SPAG9: variants seen among roughly 807,000 people sequenced by gnomAD.
SPAG9 encodes the protein sperm associated antigen 9, also known as C-Jun-amino-terminal kinase-interacting protein 4.
SPAG9 carries 35 observed loss-of-function variants against 166.5 expected under a neutral mutation model. That is an observed-to-expected ratio of 0.21 (90% CI 0.16 to 0.28). The LOEUF (loss-of-function observed/expected upper bound fraction) is 0.28. Among genes scored for constraint, SPAG9 ranks in the 10% least tolerant of loss-of-function variants. SPAG9 has a pLI of 1.00. For synonymous variants in SPAG9, 534 were observed against 565.5 expected, an observed-to-expected ratio of 0.94 and a Z score of 0.79; for missense variants, 1,235 against 1,603.3, an observed-to-expected ratio of 0.77 and a Z score of 3.92.
chr17:51,115,556 C>T (rs1182045532), intron 1 of SPAG9, among the ~76,000 whole-genome samples: 5 of 151,948 alleles, frequency 3.3e-5, no homozygotes, highest in East Asian at 1.9e-4. Context: ...AGGAGCCAGG[C>T]GCGGTGGTTC....
intron 4 of SPAG9, among the ~76,000 whole-genome samples, chr17:51,042,355 G>C (rs879697121): frequency 6.6e-6 from 1 of 152,126 alleles, no homozygotes; most frequent in Admixed American, 6.5e-5. Context: ...ATGAACAAGA[G>C]TTACAATTTT....
intron 1 of SPAG9, among the ~76,000 whole-genome samples, chr17:51,118,097 T>A (rs1598213520): frequency 1.3e-5 from 2 of 149,370 alleles, no homozygotes; most frequent in Admixed American, 1.3e-4. Flanking sequence ...ATCGTGCCAC[T>A]GCACTCCAGC....
At chr17:51,058,513 AC>A (rs1273699562) in intron 2 of SPAG9, among the ~76,000 whole-genome samples, 1 of 152,194 alleles carries the variant, frequency 6.6e-6, no homozygotes, top group African/African-American at 2.4e-5. Context: ...ACCATGCTAT[AC>A]TGCTTCTCAG....
At chr17:51,021,950 C>T (rs1489463068) in intron 6 of SPAG9, among the ~76,000 whole-genome samples, 7 of 151,878 alleles carry the variant, frequency 4.6e-5, no homozygotes, top group African/African-American at 1.7e-4. Flanking sequence ...TGGTGAAACC[C>T]CGTCTCTACT....
At chr17:51,075,113 T>C (rs1044535905) in intron 2 of SPAG9, among the ~76,000 whole-genome samples, 2 of 148,270 alleles carry the variant, frequency 1.3e-5, no homozygotes, top group Non-Finnish European at 3.0e-5. Context: ...GGAAAATCGC[T>C]TGAACCTGGG....
chr17:50,994,578 C>T (rs1160922802), intron 18 of SPAG9, among the ~76,000 whole-genome samples: 1 of 152,066 alleles, frequency 6.6e-6, no homozygotes, highest in African/African-American at 2.4e-5. Context: ...CAGTGAAACC[C>T]TCGTCTCTAC....
chr17:51,004,097 T>C (rs2045086897), intron 12 of SPAG9, among the ~76,000 whole-genome samples: 1 of 152,160 alleles, frequency 6.6e-6, no homozygotes, highest in South Asian at 2.1e-4. Flanking sequence ...CAAGACTAAA[T>C]GTAGTGTGAA....
intron 2 of SPAG9, among the ~76,000 whole-genome samples, chr17:51,072,699 A>G (rs192005602): frequency 2.4e-3 from 358 of 152,064 alleles, no homozygotes; most frequent in African/African-American, 8.3e-3. Context: ...ATAAAATAAA[A>G]TCAGTCACAT....
intron 1 of SPAG9, among the ~76,000 whole-genome samples, chr17:51,082,496 C>T (rs1420208867): frequency 1.3e-5 from 2 of 149,396 alleles, no homozygotes; most frequent in African/African-American, 2.5e-5. Flanking sequence ...ATTAATGTTA[C>T]TTATTACTTG....
chr17:50,996,597 A>T lies in SPAG9; in HGVS notation c.1936T>A (p.Phe646Ile). ...VQKEDGRVQA[F>I]GWSLPQKYKQ... ...TACTTCTGAGGCAGACTCCAGCCAA[A>T]AGCCTGCACTCTACCGTCTTCCTTC... The change falls in exon 16 of 30, where the codon TTT (phenylalanine) becomes ATT (isoleucine). Residue 646 changes from phenylalanine (F) to isoleucine (I), a missense_variant. By Grantham distance (21) the Phe-to-Ile change is conservative. Around this residue, in one of 6 missense-constraint regions of SPAG9, gnomAD observed 493 missense variants for 559.4 expected, o/e 0.88. Transcript: ENST00000262013. 6.2e-7 allele frequency: 1 copy of T among 1,614,092 alleles called. No homozygotes were observed. The highest frequency in any genetic ancestry group is 8.5e-7 in the Non-Finnish European group (1 of 1,180,002).
intron 29 of SPAG9, among the ~76,000 whole-genome samples, chr17:50,969,355 G>A (rs1484053131): frequency 6.6e-6 from 1 of 152,078 alleles, no homozygotes; most frequent in Non-Finnish European, 1.5e-5. Flanking sequence ...TGCTTCTCCT[G>A]TTGACAGTCC....
In SPAG9 at chr17:50,985,607, G is replaced by A. The variant is rs906938391; in HGVS notation, c.3020+91C>T. The A allele has an allele frequency of 3.4e-5, 23 of 670,078 alleles. 1 individual carries two copies. In the Middle Eastern group the frequency reaches 1.4e-3, roughly 41 times the overall value. The allele number at this position is 670,078 out of a possible 1,614,324, so 41.5% of individuals were successfully genotyped here. ...AAACAAATTGGATACTAATTTAGTC[G>A]TGAAACATGTATTAGCTTTCAAAGT... On this transcript the variant is annotated intron_variant, in intron 23 of 29. Transcript: ENST00000262013.
chr17:51,030,005 G>A (rs1338524073), intron 6 of SPAG9, among the ~76,000 whole-genome samples: 4 of 152,182 alleles, frequency 2.6e-5, no homozygotes, highest in African/African-American at 7.2e-5. Context: ...CAAAATAAAC[G>A]TCATTACTTT....
chr17:51,027,584 G>C (rs2046232990), intron 6 of SPAG9, among the ~76,000 whole-genome samples: 1 of 152,144 alleles, frequency 6.6e-6, no homozygotes, highest in Non-Finnish European at 1.5e-5. Flanking sequence ...TATAGTGGTG[G>C]TCCCATAAGA....
In SPAG9 at chr17:50,984,642, C is replaced by A. The variant is rs935477370; in HGVS notation, c.3088+281G>T. 2.0e-5 allele frequency among the ~76,000 whole-genome samples: 3 copies of A among 152,046 alleles called. 1 individual carries two copies. The highest frequency in any genetic ancestry group is 7.2e-5 in the African/African-American group (3 of 41,380). ...CGGAGCTTGCAGTGAGCTGAGATTG[C>A]GCCACTGCACTCCAGCCTGGGCGAC... is the stretch of plus-strand genomic sequence containing the variant. On this transcript the variant is annotated intron_variant, in intron 24 of 29. Transcript: ENST00000262013.
intron 1 of SPAG9, among the ~76,000 whole-genome samples, chr17:51,098,990 C>T (rs1257678920): frequency 1.3e-5 from 2 of 151,186 alleles, no homozygotes; most frequent in Non-Finnish European, 2.9e-5. Flanking sequence ...GTCCCATCTA[C>T]TGGGGAGGCT....
chr17:51,054,079 A>ACC (rs2047285962), intron 3 of SPAG9, among the ~76,000 whole-genome samples: 1 of 147,210 alleles, frequency 6.8e-6, no homozygotes, highest in South Asian at 2.1e-4. Flanking sequence ...CTAAAATTAA[A>ACC]CCTTAATGGC....
chr17:51,081,481 T>C (rs1002815448), intron 1 of SPAG9, among the ~76,000 whole-genome samples: 1 of 151,808 alleles, frequency 6.6e-6, no homozygotes, highest in African/African-American at 2.4e-5. Flanking sequence ...CAGTGACTCA[T>C]GCCTGTAATC....
chr17:51,102,182 A>G (rs1041557051), intron 1 of SPAG9, among the ~76,000 whole-genome samples: 1 of 151,972 alleles, frequency 6.6e-6, no homozygotes, highest in Non-Finnish European at 1.5e-5. Flanking sequence ...CAGGAATTTG[A>G]TACCAGGCTG....
Sources: allele counts gnomAD v4.1 joint callset (sites outside exome capture counted in the v4.1 genomes callset), GRCh38; gene constraint gnomAD v4.1.1; regional missense constraint gnomAD v4.1.1; transcripts MANE v1.5; gene names NCBI Gene and HGNC (gene_info 2026-07-23, HGNC 2026-07-21).